FOXP1: variants seen among roughly 807,000 people sequenced by gnomAD.
FOXP1 encodes the protein forkhead box P1.
FOXP1 carries 15 observed loss-of-function variants against 98.2 expected under a neutral mutation model. The observed-to-expected ratio is 0.15, with a 90% CI of 0.10 to 0.24. The LOEUF (loss-of-function observed/expected upper bound fraction) is 0.24. FOXP1 is among the 10% of genes least tolerant of loss of function. The pLI is 1.00. For synonymous variants in FOXP1, 371 were observed against 314.5 expected (o/e 1.18, Z -1.90); for missense variants, 633 against 848.5 (o/e 0.75, Z 3.15).
intron 5 of FOXP1, among the ~76,000 whole-genome samples, chr3:71,214,973 A>G (rs2064811610): frequency 6.6e-6 from 1 of 152,230 alleles, no homozygotes; most frequent in Non-Finnish European, 1.5e-5. Context: ...TACACAAAGC[A>G]TGGTTCTGTG....
At chr3:71,130,364 A>AG in intron 6 of FOXP1, 1 of 796,958 alleles carries the variant, frequency 1.3e-6, no homozygotes, top group Non-Finnish European at 2.0e-6. Context: ...AGAGGAGGGA[A>AG]GGGGGAGGAA....
chr3:71,180,785 T>G (rs1334103464), intron 6 of FOXP1, among the ~76,000 whole-genome samples: 1 of 152,190 alleles, frequency 6.6e-6, no homozygotes, highest in Non-Finnish European at 1.5e-5. Context: ...TTTTAAGTTA[T>G]GAGCCCCAAA....
chr3:71,517,838 G>A (rs144366983), intron 2 of FOXP1, among the ~76,000 whole-genome samples: 2 of 152,266 alleles, frequency 1.3e-5, no homozygotes, highest in Admixed American at 6.5e-5. Flanking sequence ...CAACTAACTA[G>A]GTAATGTCTA....
At chr3:71,270,017 T>C (rs2107287290) in intron 5 of FOXP1, among the ~76,000 whole-genome samples, 1 of 152,366 alleles carries the variant, frequency 6.6e-6, no homozygotes, top group South Asian at 2.1e-4. Flanking sequence ...TTCCGAGTGC[T>C]GGAGTGGGTT....
intron 14 of FOXP1, among the ~76,000 whole-genome samples, chr3:70,984,927 A>C (rs540181912): frequency 6.6e-6 from 1 of 152,348 alleles, no homozygotes; most frequent in Non-Finnish European, 1.5e-5. Context: ...ATGTAAAAAC[A>C]ATCTAAGAAC....
chr3:71,480,184 G>C (rs957083994), intron 3 of FOXP1, among the ~76,000 whole-genome samples: 2 of 152,108 alleles, frequency 1.3e-5, no homozygotes, highest in African/African-American at 4.8e-5. Context: ...GCAAGACTCT[G>C]TCTCAAGAAA....
In FOXP1 at chr3:71,146,021, G is replaced by A. The variant is rs553098072; in HGVS notation, c.181-33384C>T. Among the ~76,000 whole-genome samples the A allele has an allele frequency of 2.0e-5, 3 of 152,166 alleles. No homozygotes were observed. In the South Asian group the frequency reaches 6.2e-4, roughly 31 times the overall value. ...ATGGAGAAAAGACAGAAAGGATGTT[G>A]GATAGCAGCAACTTACTAGGAAATG... On this transcript the variant is annotated intron_variant, in intron 6 of 20. Transcript: ENST00000649528.
intron 5 of FOXP1, among the ~76,000 whole-genome samples, chr3:71,200,362 T>G (rs181016012): frequency 6.6e-6 from 1 of 152,310 alleles, no homozygotes; most frequent in East Asian, 1.9e-4. Flanking sequence ...TACCCCCAGT[T>G]TGCGGATGAG....
chr3:71,556,788 C>A (rs1023432919), intron 2 of FOXP1, among the ~76,000 whole-genome samples: 1 of 151,282 alleles, frequency 6.6e-6, no homozygotes, highest in Non-Finnish European at 1.5e-5. Context: ...AATTCACTTA[C>A]AAAATTTATC....
rs377023710 is a variant in FOXP1, at chr3:71,088,393, G to GTT, written c.282+24141_282+24142dup. ...ACAACATGTGGTGATACATTGTTTT[G>GTT]TTTTTTGTTTTTTTTTTTTTGGCTT... On this transcript the variant is annotated intron_variant, in intron 7 of 20. Coordinates refer to ENST00000649528, the MANE Select transcript of FOXP1 (RefSeq NM_001349338.3). Among the ~76,000 whole-genome samples the GTT allele has an allele frequency of 9.2e-5, 11 of 120,182 alleles. No individual in the cohort carries two copies. The East Asian group carries it at 2.0e-3, about 21-fold the overall frequency. The allele number at this position is 120,182 out of a possible 152,430, so 78.8% of individuals were successfully genotyped here.
intron 4 of FOXP1, among the ~76,000 whole-genome samples, chr3:71,331,283 C>A (rs977559453): frequency 2.0e-5 from 3 of 152,200 alleles, no homozygotes; most frequent in African/African-American, 7.2e-5. Flanking sequence ...GGGCCAGCAG[C>A]TGCTGTGCTC....
intron 3 of FOXP1, among the ~76,000 whole-genome samples, chr3:71,441,546 C>CTCTA (rs2085942547): frequency 1.3e-5 from 2 of 152,206 alleles, no homozygotes; most frequent in Non-Finnish European, 1.5e-5. Context: ...GTGCTAAATG[C>CTCTA]TCTAGGAGAA....
At chr3:71,507,792 T>C (rs1028185599) in intron 2 of FOXP1, among the ~76,000 whole-genome samples, 15 of 152,328 alleles carry the variant, frequency 9.8e-5, no homozygotes, top group African/African-American at 3.6e-4. Context: ...TTAGCCAGGA[T>C]GGTCTCGATC....
chr3:71,395,233 C>T (rs1258470113), intron 3 of FOXP1, among the ~76,000 whole-genome samples: 1 of 151,362 alleles, frequency 6.6e-6, no homozygotes, highest in Non-Finnish European at 1.5e-5. Flanking sequence ...TTCCTAGTTC[C>T]CTTTTAGCAT....
intron 3 of FOXP1, among the ~76,000 whole-genome samples, chr3:71,419,594 G>A (rs1460594436): frequency 1.0e-5 from 1 of 97,538 alleles, no homozygotes; most frequent in Non-Finnish European, 2.9e-5. Context: ...GTGCACCAAG[G>A]GCAATGACAT....
chr3:71,413,544 C>T (rs1330335472), intron 3 of FOXP1, among the ~76,000 whole-genome samples: 1 of 152,104 alleles, frequency 6.6e-6, no homozygotes, highest in Non-Finnish European at 1.5e-5. Flanking sequence ...AATGTTCAAA[C>T]ATCCAGACAA....
At chr3:71,166,074 G>C (rs1474687796) in intron 6 of FOXP1, among the ~76,000 whole-genome samples, 1 of 152,196 alleles carries the variant, frequency 6.6e-6, no homozygotes, top group Admixed American at 6.5e-5. Context: ...TAATATCTTG[G>C]GAAGTAACAA....
intron 12 of FOXP1, among the ~76,000 whole-genome samples, chr3:71,002,982 G>C (rs1246020841): frequency 1.3e-5 from 2 of 152,282 alleles, no homozygotes; most frequent in Admixed American, 6.5e-5. Flanking sequence ...TGAGTGTTGA[G>C]GGACTTTGGT....
intron 3 of FOXP1, among the ~76,000 whole-genome samples, chr3:71,381,166 T>TTC (rs1309846996): frequency 6.6e-6 from 1 of 151,590 alleles, no homozygotes; most frequent in Non-Finnish European, 1.5e-5. Context: ...TTTTTTTTTT[T>TTC]TTGAGATGGA....
Sources: allele counts gnomAD v4.1 joint callset (sites outside exome capture counted in the v4.1 genomes callset), GRCh38; gene constraint gnomAD v4.1.1; transcripts MANE v1.5; gene names NCBI Gene and HGNC (gene_info 2026-07-23, HGNC 2026-07-21).